LHFPL3: variants seen among roughly 807,000 people sequenced by gnomAD.
LHFPL3 encodes LHFPL tetraspan subfamily member 3 protein.
In LHFPL3, 5 loss-of-function variants were observed where a neutral mutation model predicts 19.3. The observed-to-expected ratio is 0.26, with a 90% CI of 0.14 to 0.54. The LOEUF (loss-of-function observed/expected upper bound fraction) is 0.54, where lower values mean the gene tolerates loss of function less well. Ranked by LOEUF, LHFPL3 falls within the 20% of genes least tolerant of loss-of-function variation. The pLI, the probability that LHFPL3 is intolerant of heterozygous loss-of-function variation, is 0.94. For missense variants in LHFPL3, 249 were observed against 307.4 expected (o/e 0.81, Z 1.42); for synonymous variants, 133 against 126.2 (o/e 1.05, Z -0.36).
intron 1 of LHFPL3, among the ~76,000 whole-genome samples, chr7:104,570,406 C>A (rs373129520): frequency 9.3e-4 from 142 of 152,320 alleles, no homozygotes; most frequent in African/African-American, 3.3e-3. Flanking sequence ...AAGAGCTCCA[C>A]TCTTTATGTA....
At chr7:104,481,959 C>G (rs1054595503) in intron 1 of LHFPL3, among the ~76,000 whole-genome samples, 1 of 152,170 alleles carries the variant, frequency 6.6e-6, no homozygotes, top group Non-Finnish European at 1.5e-5. Flanking sequence ...CTAATTCCCC[C>G]TTCCACTCCG....
rs367643113 is a variant in LHFPL3 at position 104,399,433 on chromosome 7, T to C, written c.445+70209T>C. On this transcript the variant is annotated intron_variant, in intron 1 of 2. Coordinates refer to ENST00000424859, the MANE Select transcript of LHFPL3 (RefSeq NM_199000.3). This position sits in a 1 kb window ranked among gnomAD's most constrained non-coding sequence, Gnocchi z 4.4. ...CCTGGAAATGTACTATGTTCTTCTGTTTTTTTTTGTTTTTTAGGTTTTTTT... is the reference window on the plus strand; with the variant it reads ...CCTGGAAATGTACTATGTTCTTCTGCTTTTTTTTGTTTTTTAGGTTTTTTT... Among the ~76,000 whole-genome samples, 7 of 99,342 alleles carry C rather than the reference T, an allele frequency of 7.0e-5. No homozygotes were observed. The highest frequency in any genetic ancestry group is 2.0e-4 in the African/African-American group (7 of 35,378). 65.2% of individuals were successfully genotyped at this position (99,342 alleles called of 152,430 possible). A position where few individuals can be genotyped will look rare whatever the true frequency, so the allele number is the denominator to read the frequency against.
chr7:104,328,621 C>A lies in LHFPL3; in HGVS notation c.-159C>A, dbSNP rs910657612. 1.5e-6 allele frequency: 1 copy of A among 670,552 alleles called. No individual in the cohort carries two copies. The highest frequency in any genetic ancestry group is 1.9e-5 in the South Asian group (1 of 53,028). The allele number at this position is 670,552 out of a possible 1,614,324, so 41.5% of individuals were successfully genotyped here. A position where few individuals can be genotyped will look rare whatever the true frequency, so the allele number is the denominator to read the frequency against. On this transcript the variant is annotated 5_prime_UTR_variant, in exon 1 of 3. Transcript: ENST00000424859. This position sits in a 1 kb window ranked among gnomAD's most constrained non-coding sequence, Gnocchi z 4.6. ...GCTCCGCGCTCCCCCGCCCTCCTTCCGGGAGCGAGGATGCAGACTCTGAAA... is the reference window on the plus strand; with the variant it reads ...GCTCCGCGCTCCCCCGCCCTCCTTCAGGGAGCGAGGATGCAGACTCTGAAA...
At chr7:104,338,293 G>T (rs539399662) in intron 1 of LHFPL3, among the ~76,000 whole-genome samples, 2 of 151,962 alleles carry the variant, frequency 1.3e-5, no homozygotes, top group South Asian at 4.2e-4. Context: ...TAGAGACGGG[G>T]TGTCACCGTA....
chr7:104,764,613 C>A (rs767451489), intron 2 of LHFPL3, among the ~76,000 whole-genome samples: 12 of 152,132 alleles, frequency 7.9e-5, no homozygotes, highest in Non-Finnish European at 1.3e-4. Flanking sequence ...ACTTAATAAT[C>A]CATATCTACA....
chr7:104,751,403 G>A (rs1205152344), intron 2 of LHFPL3, among the ~76,000 whole-genome samples: 1 of 150,400 alleles, frequency 6.6e-6, no homozygotes, highest in South Asian at 2.1e-4. Context: ...TTTTTCCCAG[G>A]CTCTAAGGCA....
intron 1 of LHFPL3, among the ~76,000 whole-genome samples, chr7:104,718,014 G>C (rs1793421912): frequency 6.6e-6 from 1 of 152,108 alleles, no homozygotes; most frequent in Admixed American, 6.6e-5. Context: ...CAATACCATA[G>C]ATAAATCTTG....
intron 1 of LHFPL3, among the ~76,000 whole-genome samples, chr7:104,368,500 G>A (rs547367286): frequency 2.6e-5 from 4 of 152,234 alleles, no homozygotes; most frequent in South Asian, 2.1e-4. Flanking sequence ...CCATTTCTGC[G>A]GCGCGTAATC....
chr7:104,906,055 A>AATGCATTTGAACC, intron 2 of LHFPL3, 132 bp from the exon 3 acceptor site: 1 of 810,816 alleles, frequency 1.2e-6, no homozygotes, highest in Non-Finnish European at 2.0e-6. Context: ...ACAAATGCAA[A>AATGCATTTGAACC]ATGCATTTGA....
chr7:104,760,150 C>T (rs1794349160), intron 2 of LHFPL3, among the ~76,000 whole-genome samples: 1 of 152,194 alleles, frequency 6.6e-6, no homozygotes, highest in South Asian at 2.1e-4. Flanking sequence ...CCAGGAGATG[C>T]TGATGCTATT....
chr7:104,414,600 T>A (rs1393423360), intron 1 of LHFPL3, among the ~76,000 whole-genome samples: 1 of 152,188 alleles, frequency 6.6e-6, no homozygotes, highest in East Asian at 1.9e-4. Flanking sequence ...CAGAAAAAAA[T>A]TGTAAATGCA....
chr7:104,602,024 T>TTC (rs1398633379), intron 1 of LHFPL3, among the ~76,000 whole-genome samples: 6 of 133,522 alleles, frequency 4.5e-5, no homozygotes, highest in Non-Finnish European at 6.4e-5. Flanking sequence ...TCTTTTCTTT[T>TTC]TTTTTTTTTT....
At chr7:104,452,112 C>T (rs550222367) in intron 1 of LHFPL3, among the ~76,000 whole-genome samples, 3 of 152,056 alleles carry the variant, frequency 2.0e-5, no homozygotes, top group Middle Eastern at 3.4e-3. Flanking sequence ...AAATAATCAC[C>T]GAGAAATAGC....
chr7:104,569,524 A>G (rs1790186998), intron 1 of LHFPL3, among the ~76,000 whole-genome samples: 1 of 152,326 alleles, frequency 6.6e-6, no homozygotes, highest in African/African-American at 2.4e-5. Flanking sequence ...GAGATTTACA[A>G]TACGATGTTA....
chr7:104,606,874 C>T (rs888736998), intron 1 of LHFPL3, among the ~76,000 whole-genome samples: 5 of 152,004 alleles, frequency 3.3e-5, no homozygotes, highest in Non-Finnish European at 4.4e-5. Context: ...GCACTGAGTC[C>T]GTCTCTGGGT....
intron 2 of LHFPL3, among the ~76,000 whole-genome samples, chr7:104,810,429 A>G (rs771256365): frequency 1.3e-5 from 2 of 152,166 alleles, no homozygotes; most frequent in African/African-American, 4.8e-5. Flanking sequence ...GCAACTGGAG[A>G]GAAGCATTTG....
intron 1 of LHFPL3, among the ~76,000 whole-genome samples, chr7:104,466,823 A>G (rs1168624796): frequency 6.6e-6 from 1 of 152,238 alleles, no homozygotes; most frequent in East Asian, 1.9e-4. Flanking sequence ...TTCCAGCAGC[A>G]TAGCATTTGC....
In LHFPL3 at chr7:104,907,404, C is replaced by G. The variant is rs1370218580; in HGVS notation, c.*1189C>G. ...CCTTTTTGTTTACTAATGTTGGTTT[C>G]AAAAATACTCAGATTCATTTTAGTT... On this transcript the variant is annotated 3_prime_UTR_variant, in exon 3 of 3. Coordinates refer to ENST00000424859, the MANE Select transcript of LHFPL3 (RefSeq NM_199000.3). 6.6e-6 allele frequency among the ~76,000 whole-genome samples: 1 copy of G among 152,056 alleles called. No homozygotes were observed.
At chr7:104,470,139 G>A (rs1192206547) in intron 1 of LHFPL3, 7 of 450,964 alleles carry the variant, frequency 1.6e-5, no homozygotes, top group Non-Finnish European at 3.1e-5. Flanking sequence ...GAACATGGGT[G>A]TTGTTGGGGA....
Sources: allele counts gnomAD v4.1 joint callset (sites outside exome capture counted in the v4.1 genomes callset), GRCh38; gene constraint gnomAD v4.1.1; non-coding constraint Gnocchi (gnomAD v3.1); transcripts MANE v1.5; gene names NCBI Gene and HGNC (gene_info 2026-07-23, HGNC 2026-07-21).